SORBS2: variants seen among roughly 807,000 people sequenced by gnomAD.
SORBS2 encodes sorbin and SH3 domain containing 2.
A neutral mutation model predicts 97.7 loss-of-function variants in SORBS2; 46 were observed. The observed-to-expected ratio is 0.47, with a 90% confidence interval of 0.37 to 0.60. The LOEUF (loss-of-function observed/expected upper bound fraction) is 0.60, where lower values mean the gene tolerates loss of function less well. SORBS2 is among the 20% of genes least tolerant of loss of function. The pLI, the probability that SORBS2 is intolerant of heterozygous loss-of-function variation, is 0.00. For missense variants in SORBS2, 1,316 were observed against 1,282.3 expected (o/e 1.03, Z -0.40); for synonymous variants, 476 against 473.4 (o/e 1.01, Z -0.07).
intron 2 of SORBS2, among the ~76,000 whole-genome samples, chr4:185,704,021 A>G (rs1219506670): frequency 6.6e-6 from 1 of 152,224 alleles, no homozygotes; most frequent in East Asian, 1.9e-4. Context: ...TACTTCTAAC[A>G]TCAATTCATA....
chr4:185,852,745 G>A lies in SORBS2; in HGVS notation c.-337-77379C>T, dbSNP rs143740053. Among the ~76,000 whole-genome samples, 358 of 152,214 alleles carry A rather than the reference G, an allele frequency of 2.4e-3. 1 individual carries two copies. The highest frequency in any genetic ancestry group is 8.3e-3 in the African/African-American group (343 of 41,536). On this transcript the variant is annotated intron_variant, in intron 1 of 20. Coordinates refer to the SORBS2 transcript ENST00000284776. ...GAGCGGGCTTCTCAAGTCCACCCAC[G>A]ACCCCAAGAGTAGAGGCATGTGGAC... is the stretch of plus-strand genomic sequence containing the variant.
At chr4:185,658,346 T>C (rs1191674003), upstream of SORBS2, among the ~76,000 whole-genome samples, 2 of 152,216 alleles carry the variant, frequency 1.3e-5, no homozygotes, top group African/African-American at 4.8e-5. Context: ...ACTTCTAGAA[T>C]ACTTTCAGAA....
intron 2 of SORBS2, among the ~76,000 whole-genome samples, chr4:185,706,878 T>C (rs2098350750): frequency 6.6e-6 from 1 of 152,208 alleles, no homozygotes; most frequent in Non-Finnish European, 1.5e-5. Context: ...TTTAATTTTG[T>C]CAAAATACCA....
exon 7 of SORBS2, chr4:185,624,319 T>C: frequency 2.5e-6 from 4 of 1,614,210 alleles, no homozygotes; most frequent in Non-Finnish European, 3.4e-6. Context: ...TGCTCCAGAT[T>C]TCTGCGTTTT....
chr4:185,713,949 G>A (rs1187365494), intron 2 of SORBS2, among the ~76,000 whole-genome samples: 3 of 152,152 alleles, frequency 2.0e-5, no homozygotes, highest in Admixed American at 6.5e-5. Context: ...CAGTGCTGAG[G>A]CAATTCTGTG....
chr4:185,773,408 A>G (rs2098982927), intron 2 of SORBS2: 1 of 152,264 alleles, frequency 6.6e-6, no homozygotes, highest in African/African-American at 2.4e-5. Context: ...CTTAAAGATT[A>G]GACTGAACAT....
chr4:185,697,451 T>C (rs942774142), intron 2 of SORBS2, among the ~76,000 whole-genome samples: 3 of 152,182 alleles, frequency 2.0e-5, no homozygotes, highest in African/African-American at 7.2e-5. Flanking sequence ...AAAAGATCCT[T>C]TATTTAGCTA....
chr4:185,740,729 A>ACATTAACTCAGCCCAG (rs2098718112), intron 2 of SORBS2, among the ~76,000 whole-genome samples: 1 of 151,686 alleles, frequency 6.6e-6, no homozygotes, highest in Non-Finnish European at 1.5e-5. Flanking sequence ...ACTCAGCCCA[A>ACATTAACTCAGCCCAG]CACTAACTCA....
chr4:185,772,387 A>T (rs1476739230), intron 2 of SORBS2: 1 of 152,192 alleles, frequency 6.6e-6, no homozygotes, highest in Non-Finnish European at 1.5e-5. Flanking sequence ...CAGGCGGAAA[A>T]AAAATATCTG....
At chr4:185,608,965 A>G (rs1229212822) in intron 12 of SORBS2, among the ~76,000 whole-genome samples, 1 of 151,262 alleles carries the variant, frequency 6.6e-6, no homozygotes, top group Admixed American at 6.6e-5. Context: ...TGTGTCCTAT[A>G]GTAGGAGTGG....
chr4:185,877,873 AC>A (rs199611006), intron 1 of SORBS2, among the ~76,000 whole-genome samples: 27,338 of 106,452 alleles, frequency 0.26, 3,909 homozygotes, highest in East Asian at 0.43. Flanking sequence ...CTGTCAAAAA[AC>A]AAAAAAAAAA....
intron 2 of SORBS2, among the ~76,000 whole-genome samples, chr4:185,765,938 G>C (rs913598730): frequency 6.6e-6 from 1 of 151,706 alleles, no homozygotes; most frequent in African/African-American, 2.4e-5. Flanking sequence ...GTCTTATTCT[G>C]CCTTGAATAA....
chr4:185,722,008 A>G (rs2098518567), intron 2 of SORBS2, among the ~76,000 whole-genome samples: 1 of 152,240 alleles, frequency 6.6e-6, no homozygotes, highest in Non-Finnish European at 1.5e-5. Flanking sequence ...GATTTCAGCC[A>G]AAACAATCAC....
intron 2 of SORBS2, among the ~76,000 whole-genome samples, chr4:185,741,260 T>C (rs2098723249): frequency 6.6e-6 from 1 of 151,574 alleles, no homozygotes. Context: ...AGGACTCAAG[T>C]AGAAGAAAGG....
intron 1 of SORBS2, among the ~76,000 whole-genome samples, chr4:185,901,995 TA>T (rs1259849909): frequency 6.6e-6 from 1 of 151,334 alleles, no homozygotes; most frequent in Admixed American, 6.5e-5. Context: ...TTAGTAAAAA[TA>T]AAGTATAGAA....
rs192424410 is a variant in SORBS2, at chr4:185,646,869, C to T, written c.282-87G>A. 2.8e-3 allele frequency: 2,177 copies of T among 767,654 alleles called. 21 individuals are homozygous for T. Among genetic ancestry groups the T allele is most frequent in the South Asian group, 0.017 (994 of 60,064 alleles). The allele number at this position is 767,654 out of a possible 1,614,324, so 47.6% of individuals were successfully genotyped here. ...AACCAGTTATCTGTTTTCAACATTA[C>T]TTTTAGCATAGTTTTAAAAAAAATC... On this transcript the variant is annotated intron_variant, in intron 3 of 14. Transcript: ENST00000418609.
chr4:185,611,577 T>C (rs1161456693), intron 12 of SORBS2, among the ~76,000 whole-genome samples: 2 of 152,206 alleles, frequency 1.3e-5, no homozygotes, highest in Non-Finnish European at 2.9e-5. Context: ...GCAAAATTAA[T>C]CATTAAATCT....
rs61735908 is a variant in SORBS2 at position 185,662,114 on chromosome 4, G to A, written c.84C>T (p.Gly28=). Residue 28 remains glycine, a synonymous_variant, in exon 5 of 21, where the codon GGC becomes GGT. Coordinates refer to the SORBS2 transcript ENST00000284776. Reference sequence around the variant, plus strand: ...GAGTAAATTACTTACCGAGGGATGTGCCGTGCTGCATGACAATGCTGGAGT... The same window carrying A: ...GAGTAAATTACTTACCGAGGGATGTACCGTGCTGCATGACAATGCTGGAGT... 5.7e-5 allele frequency: 92 copies of A among 1,614,156 alleles called. No individual in the cohort carries two copies. The African/African-American group carries it at 1.1e-3, about 19-fold the overall frequency.
intron 4 of SORBS2, among the ~76,000 whole-genome samples, chr4:185,663,645 A>C (rs1436351528): frequency 6.6e-6 from 1 of 152,136 alleles, no homozygotes; most frequent in Non-Finnish European, 1.5e-5. Flanking sequence ...TGCCCAAGTT[A>C]AGTTTGGTGG....
Sources: allele counts gnomAD v4.1 joint callset (sites outside exome capture counted in the v4.1 genomes callset), GRCh38; gene constraint gnomAD v4.1.1; transcripts MANE v1.5; gene names NCBI Gene and HGNC (gene_info 2026-07-23, HGNC 2026-07-21).